Variants in NAALADL2 observed in about 807,000 individuals in gnomAD.
NAALADL2 encodes inactive N-acetylated-alpha-linked acidic dipeptidase-like protein 2.
Under a neutral mutation model 87.2 loss-of-function variants are expected in NAALADL2, and 76 were observed. The observed-to-expected ratio is 0.87, with a 90% CI of 0.72 to 1.05. The LOEUF (loss-of-function observed/expected upper bound fraction) is 1.05, where lower values mean the gene tolerates loss of function less well. Among genes scored for constraint, NAALADL2 ranks in the 50% least tolerant of loss-of-function variants. The pLI is 0.00. For synonymous variants in NAALADL2, 354 were observed against 331.0 expected (o/e 1.07, Z -0.75); for missense variants, 1,089 against 945.8 (o/e 1.15, Z -1.99).
intron 10 of NAALADL2, among the ~76,000 whole-genome samples, chr3:175,597,714 A>G (rs1722432046): frequency 6.6e-6 from 1 of 151,920 alleles, no homozygotes; most frequent in Non-Finnish European, 1.5e-5. Context: ...CATTCTCCCC[A>G]AGTTGTAACA....
intron 1 of NAALADL2, among the ~76,000 whole-genome samples, chr3:175,071,216 C>T (rs1386907475): frequency 6.6e-6 from 1 of 152,120 alleles, no homozygotes; most frequent in Non-Finnish European, 1.5e-5. Flanking sequence ...ATTAATGCCA[C>T]AAAGCGTGTC....
intron 1 of NAALADL2, among the ~76,000 whole-genome samples, chr3:175,062,828 ACT>A: frequency 1.3e-5 from 2 of 152,210 alleles, no homozygotes; most frequent in South Asian, 2.1e-4. Flanking sequence ...GCACTCACAG[ACT>A]CTCTTTTCAA....
intron 1 of NAALADL2, among the ~76,000 whole-genome samples, chr3:175,054,344 T>C (rs1171877901): frequency 6.6e-6 from 1 of 152,180 alleles, no homozygotes; most frequent in East Asian, 1.9e-4. Flanking sequence ...AAAGGGATAG[T>C]AAAGAAACAG....
At chr3:175,481,056 G>A (rs986711042) in intron 9 of NAALADL2, among the ~76,000 whole-genome samples, 6 of 151,730 alleles carry the variant, frequency 4.0e-5, no homozygotes, top group African/African-American at 1.2e-4. Context: ...AGGGAAATGC[G>A]ATCTGTAATT....
chr3:174,975,373 G>C (rs1337297487), intron 1 of NAALADL2, among the ~76,000 whole-genome samples: 2 of 152,084 alleles, frequency 1.3e-5, no homozygotes, highest in African/African-American at 4.8e-5. Flanking sequence ...ACTACTTCCA[G>C]TCATATTACA....
intron 2 of NAALADL2, among the ~76,000 whole-genome samples, chr3:174,688,508 T>C (rs1371534989): frequency 6.6e-6 from 1 of 152,096 alleles, no homozygotes; most frequent in Non-Finnish European, 1.5e-5. Flanking sequence ...AATGAGTTAA[T>C]ATACACTAAG....
intron 3 of NAALADL2, among the ~76,000 whole-genome samples, chr3:174,766,317 A>T (rs1713796767): frequency 6.6e-6 from 1 of 152,192 alleles, no homozygotes; most frequent in South Asian, 2.1e-4. Context: ...TGAAGTAGTC[A>T]TTTTAATGTG....
At chr3:175,592,839 T>C (rs1292535381) in intron 10 of NAALADL2, among the ~76,000 whole-genome samples, 1 of 151,698 alleles carries the variant, frequency 6.6e-6, no homozygotes, top group African/African-American at 2.4e-5. Flanking sequence ...TGTATACATA[T>C]GTAACTAACC....
intron 3 of NAALADL2, among the ~76,000 whole-genome samples, chr3:175,256,197 A>G (rs1032510898): frequency 6.6e-6 from 1 of 152,136 alleles, no homozygotes; most frequent in Non-Finnish European, 1.5e-5. Context: ...AGCAAAAATG[A>G]CTCACACATT....
chr3:174,709,537 A>C (rs1730422899), intron 2 of NAALADL2, among the ~76,000 whole-genome samples: 1 of 152,186 alleles, frequency 6.6e-6, no homozygotes, highest in Non-Finnish European at 1.5e-5. Context: ...TTGTATTCTT[A>C]AGGTGATATG....
chr3:175,521,330 A>C (rs1732627440), intron 9 of NAALADL2, among the ~76,000 whole-genome samples: 1 of 152,168 alleles, frequency 6.6e-6, no homozygotes, highest in Non-Finnish European at 1.5e-5. Context: ...AGTTAATATT[A>C]ATTTGTATAT....
chr3:175,362,681 C>A (rs1030550971), intron 5 of NAALADL2, among the ~76,000 whole-genome samples: 1 of 148,030 alleles, frequency 6.8e-6, no homozygotes, highest in Non-Finnish European at 1.5e-5. Context: ...GGCTTCTTTT[C>A]CTATGGGTAG....
At chr3:175,497,802 G>T (rs1729016075) in intron 9 of NAALADL2, among the ~76,000 whole-genome samples, 1 of 152,090 alleles carries the variant, frequency 6.6e-6, no homozygotes, top group Admixed American at 6.6e-5. Context: ...AGGTGCTGGA[G>T]TCAAACAGCA....
chr3:175,696,281 G>A (rs917810683), intron 11 of NAALADL2, among the ~76,000 whole-genome samples: 7 of 152,072 alleles, frequency 4.6e-5, no homozygotes, highest in African/African-American at 1.7e-4. Flanking sequence ...GAGCTAGTTA[G>A]TAACCATGAA....
chr3:174,636,833 G>T (rs1258128685), intron 2 of NAALADL2, among the ~76,000 whole-genome samples: 4 of 152,034 alleles, frequency 2.6e-5, no homozygotes, highest in African/African-American at 7.2e-5. Flanking sequence ...TTATCCAAAG[G>T]AAAATACATC....
At chr3:175,498,237 C>T (rs1729086782) in intron 9 of NAALADL2, among the ~76,000 whole-genome samples, 1 of 151,906 alleles carries the variant, frequency 6.6e-6, no homozygotes, top group Admixed American at 6.6e-5. Flanking sequence ...AGCTATTGAC[C>T]TTAAAAAGAA....
intron 1 of NAALADL2, among the ~76,000 whole-genome samples, chr3:174,993,330 TC>T (rs1343004330): frequency 6.6e-6 from 1 of 152,076 alleles, no homozygotes; most frequent in Admixed American, 6.6e-5. Context: ...TTCACCATGT[TC>T]CCCCTGGTTA....
intron 1 of NAALADL2, among the ~76,000 whole-genome samples, chr3:174,909,587 C>G (rs1733424332): frequency 6.6e-6 from 1 of 152,068 alleles, no homozygotes; most frequent in Non-Finnish European, 1.5e-5. Flanking sequence ...TTGAAACATT[C>G]AAAATATGGA....
chr3:175,256,360 A>C, intron 3 of NAALADL2, 51 bp from the exon 4 acceptor site: 1 of 1,539,674 alleles, frequency 6.5e-7, no homozygotes, highest in South Asian at 1.2e-5. Flanking sequence ...ACAATTGGCT[A>C]TACTTCTTCC....
Sources: allele counts gnomAD v4.1 joint callset (sites outside exome capture counted in the v4.1 genomes callset), GRCh38; gene constraint gnomAD v4.1.1; transcripts MANE v1.5; gene names NCBI Gene and HGNC (gene_info 2026-07-23, HGNC 2026-07-21).